FAM107B: variants seen among roughly 807,000 people sequenced by gnomAD.
FAM107B encodes the protein family with sequence similarity 107 member B.
In FAM107B, 21 loss-of-function variants were observed where a neutral mutation model predicts 31.5. That is an observed-to-expected ratio of 0.67 (90% CI 0.47 to 0.96). FAM107B has a LOEUF of 0.96. FAM107B is among the 40% of genes least tolerant of loss of function. The pLI, the probability that FAM107B is intolerant of heterozygous loss-of-function variation, is 0.00. For synonymous variants in FAM107B, 157 were observed against 141.5 expected (o/e 1.11, Z -0.78); for missense variants, 452 against 377.1 (o/e 1.20, Z -1.64).
At chr10:14,526,984 C>A (rs1846317952) in intron 3 of FAM107B, among the ~76,000 whole-genome samples, 1 of 151,960 alleles carries the variant, frequency 6.6e-6, no homozygotes. Context: ...ACTACAGGTG[C>A]CCACCAACAC....
intron 1 of FAM107B, among the ~76,000 whole-genome samples, chr10:14,678,856 G>A (rs188253750): frequency 4.0e-4 from 61 of 152,294 alleles, no homozygotes; most frequent in African/African-American, 1.1e-3. Context: ...CTCATCACAC[G>A]GAACAGTTTA....
At chr10:14,739,092 A>T (rs187774468) in intron 1 of FAM107B, among the ~76,000 whole-genome samples, 35 of 152,286 alleles carry the variant, frequency 2.3e-4, no homozygotes, top group African/African-American at 8.2e-4. Flanking sequence ...TAACATGGCA[A>T]GTGGCTTCTA....
chr10:14,668,257 A>T (rs993542555), intron 1 of FAM107B, among the ~76,000 whole-genome samples: 29 of 152,006 alleles, frequency 1.9e-4, no homozygotes, highest in Middle Eastern at 3.4e-3. Context: ...GTTGGCCAGC[A>T]TGGTCTCGAT....
chr10:14,697,984 GC>G (rs2131519134), intron 1 of FAM107B, among the ~76,000 whole-genome samples: 1 of 152,228 alleles, frequency 6.6e-6, no homozygotes, highest in Admixed American at 6.5e-5. Context: ...AATTAGCTGG[GC>G]TAGGTGGCAC....
At chr10:14,616,958 A>G (rs1852870230) in intron 2 of FAM107B, among the ~76,000 whole-genome samples, 1 of 151,948 alleles carries the variant, frequency 6.6e-6, no homozygotes, top group African/African-American at 2.4e-5. Flanking sequence ...GAGAGAGAGT[A>G]AGGAAAGTAA....
intron 2 of FAM107B, among the ~76,000 whole-genome samples, chr10:14,665,906 A>T (rs1488413310): frequency 6.6e-6 from 1 of 151,804 alleles, no homozygotes; most frequent in Non-Finnish European, 1.5e-5. Context: ...GCCATGTCAT[A>T]TTTTTTTTCA....
rs780996235 is a variant in FAM107B, at chr10:14,774,594, A to C, written c.70T>G (p.Cys24Gly). 3 of 1,614,058 alleles carry C rather than the reference A, an allele frequency of 1.9e-6. No homozygotes were observed. Among genetic ancestry groups the C allele is most frequent in the Non-Finnish European group, 2.5e-6 (3 of 1,180,042 alleles). ...CCAAAACAGGCGAGCAGAGCTGAGCACGGAAATGGATGCATGCTTCTAGAG... is the reference window on the plus strand; with the variant it reads ...CCAAAACAGGCGAGCAGAGCTGAGCCCGGAAATGGATGCATGCTTCTAGAG... ...SPSRSMHPFP[C>G]SALLACFGNT... The change falls in exon 1 of 5, where the codon TGC (cysteine) becomes GGC (glycine). Residue 24 changes from cysteine (C) to glycine (G), a missense_variant. Coordinates refer to ENST00000181796, the MANE Select transcript of FAM107B (RefSeq NM_031453.4).
intron 2 of FAM107B, chr10:14,572,414 C>A: frequency 1.0e-6 from 1 of 985,318 alleles, no homozygotes; most frequent in Non-Finnish European, 1.2e-6. Context: ...TGGAGGAGGA[C>A]AAGTTCTCGC....
At chr10:14,734,245 T>A (rs913293) in intron 1 of FAM107B, among the ~76,000 whole-genome samples, 77,631 of 151,870 alleles carry the variant, frequency 0.51, 22,564 homozygotes, top group African/African-American at 0.81. Context: ...TGGGGGAAAA[T>A]TGCCTGGTTT....
intron 2 of FAM107B, among the ~76,000 whole-genome samples, chr10:14,578,002 C>T (rs1346966960): frequency 6.6e-6 from 1 of 152,118 alleles, no homozygotes; most frequent in Non-Finnish European, 1.5e-5. Flanking sequence ...GGAACTTAGT[C>T]CTAAAGCTGA....
chr10:14,745,417 A>C (rs1375626567), intron 1 of FAM107B, among the ~76,000 whole-genome samples: 1 of 152,008 alleles, frequency 6.6e-6, no homozygotes, highest in Non-Finnish European at 1.5e-5. Flanking sequence ...AGATCTTTCT[A>C]GCTTTTTGAT....
chr10:14,689,041 T>C (rs1855059587), intron 1 of FAM107B, among the ~76,000 whole-genome samples: 1 of 152,150 alleles, frequency 6.6e-6, no homozygotes. Flanking sequence ...ACTGAGCATC[T>C]ACTATGTGCA....
At chr10:14,598,433 T>G (rs1456066733) in intron 2 of FAM107B, among the ~76,000 whole-genome samples, 1 of 152,110 alleles carries the variant, frequency 6.6e-6, no homozygotes, top group African/African-American at 2.4e-5. Context: ...GAGGACCAAG[T>G]GAAAGAAGCC....
chr10:14,597,451 T>C (rs1242859885), intron 2 of FAM107B, among the ~76,000 whole-genome samples: 1 of 152,250 alleles, frequency 6.6e-6, no homozygotes, highest in Non-Finnish European at 1.5e-5. Flanking sequence ...CACTTTACTA[T>C]GACACTTTAG....
At chr10:14,645,525 G>A (rs1371443492) in intron 2 of FAM107B, among the ~76,000 whole-genome samples, 1 of 152,092 alleles carries the variant, frequency 6.6e-6, no homozygotes, top group African/African-American at 2.4e-5. Context: ...ATTCTTTCTG[G>A]TTCACTGTGA....
chr10:14,609,103 T>C (rs1406216828), intron 2 of FAM107B, among the ~76,000 whole-genome samples: 1 of 152,158 alleles, frequency 6.6e-6, no homozygotes, highest in Non-Finnish European at 1.5e-5. Flanking sequence ...TTGGTTTAAA[T>C]AAGAAAAAGA....
rs927903079 is a variant in FAM107B at position 14,662,706 on chromosome 10, T to C, written c.469+4928A>G. 3.3e-5 allele frequency among the ~76,000 whole-genome samples: 5 copies of C among 152,240 alleles called. No individual in the cohort carries two copies. The South Asian group carries it at 1.0e-3, about 32-fold the overall frequency. Reference sequence around the variant, plus strand: ...TAACATACCAATAGGCTGAGAGAGGTGACACAGTGCACCAATGTGTATGTG... The same window carrying C: ...TAACATACCAATAGGCTGAGAGAGGCGACACAGTGCACCAATGTGTATGTG... On this transcript the variant is annotated intron_variant, in intron 2 of 4. Coordinates refer to ENST00000181796, the MANE Select transcript of FAM107B (RefSeq NM_031453.4).
chr10:14,704,819 T>A (rs889053030), intron 1 of FAM107B, among the ~76,000 whole-genome samples: 1 of 151,802 alleles, frequency 6.6e-6, no homozygotes, highest in Non-Finnish European at 1.5e-5. Context: ...AGATCAGAAG[T>A]TTGAGACCAG....
chr10:14,663,862 G>A (rs1164389310), intron 2 of FAM107B, among the ~76,000 whole-genome samples: 2 of 110,118 alleles, frequency 1.8e-5, no homozygotes, highest in African/African-American at 7.3e-5. Context: ...TGAAGTGTCA[G>A]ATGCCCAAGA....
Sources: allele counts gnomAD v4.1 joint callset (sites outside exome capture counted in the v4.1 genomes callset), GRCh38; gene constraint gnomAD v4.1.1; transcripts MANE v1.5; gene names NCBI Gene and HGNC (gene_info 2026-07-23, HGNC 2026-07-21).